PTH2R: variants seen among roughly 807,000 people sequenced by gnomAD.
PTH2R encodes parathyroid hormone 2 receptor, also known as PTH2 receptor.
PTH2R carries 59 observed loss-of-function variants against 60.3 expected under a neutral mutation model. The ratio of observed to expected loss-of-function variants is 0.98; its 90% CI spans 0.79 to 1.22. PTH2R has a LOEUF of 1.22. PTH2R is among the 50% of genes most tolerant of loss of function. The pLI, the probability that PTH2R is intolerant of heterozygous loss-of-function variation, is 0.00. For synonymous variants in PTH2R, 256 were observed against 243.8 expected, an observed-to-expected ratio of 1.05 and a Z score of -0.47; for missense variants, 749 against 682.6, an observed-to-expected ratio of 1.10 and a Z score of -1.08.
At chr2:208,365,676 G>A (rs756208833) in intron 1 of PTH2R, among the ~76,000 whole-genome samples, 6 of 149,964 alleles carry the variant, frequency 4.0e-5, no homozygotes, top group South Asian at 2.1e-4. Flanking sequence ...CACTAATGCT[G>A]CCCCTCAAAG....
chr2:208,420,407 A>G, intron 1 of PTH2R, among the ~76,000 whole-genome samples: 1 of 152,154 alleles, frequency 6.6e-6, no homozygotes, highest in East Asian at 1.9e-4. Flanking sequence ...TGAGCATTGT[A>G]TGAGGCTATT....
At chr2:208,428,894 G>A (rs1701913428) in intron 2 of PTH2R, among the ~76,000 whole-genome samples, 1 of 152,120 alleles carries the variant, frequency 6.6e-6, no homozygotes, top group African/African-American at 2.4e-5. Context: ...AGACCAGCGT[G>A]GCCAACATGG....
chr2:208,488,946 C>T (rs1703336505), intron 10 of PTH2R, 66 bp from the exon 11 acceptor site: 2 of 1,571,474 alleles, frequency 1.3e-6, no homozygotes, highest in African/African-American at 2.7e-5. Context: ...TTTTTTCCTC[C>T]AGCACGCTGT....
intron 1 of PTH2R, among the ~76,000 whole-genome samples, chr2:208,391,601 C>T (rs752375099): frequency 7.2e-5 from 11 of 152,176 alleles, no homozygotes; most frequent in Non-Finnish European, 1.6e-4. Flanking sequence ...TTTTAGCTCC[C>T]TGAGTTTTTT....
chr2:208,428,731 A>G (rs1209853402), intron 2 of PTH2R, among the ~76,000 whole-genome samples: 1 of 152,198 alleles, frequency 6.6e-6, no homozygotes, highest in Admixed American at 6.5e-5. Context: ...AATAATTGTG[A>G]TTGATTTCTC....
chr2:208,489,144 C>T lies in PTH2R; in HGVS notation c.1209C>T (p.Ser403=), dbSNP rs758766636. The change falls in exon 11 of 13, where the codon TCC becomes TCT. Residue 403 remains serine (S), a synonymous_variant. Coordinates refer to ENST00000272847, the MANE Select transcript of PTH2R (RefSeq NM_005048.4). ...IRMHCELFFN[S]FQGFFVSIIY... ...TGCACTGTGAGCTCTTCTTCAACTC[C>T]TTTCAGGTAAAGGGTGCTGCCTAGT... The T allele has an allele frequency of 6.2e-7, 1 of 1,614,014 alleles. No homozygotes were observed. The highest frequency in any genetic ancestry group is 2.2e-5 in the East Asian group (1 of 44,886).
In PTH2R at chr2:208,413,813, G is replaced by A. The variant is rs527368690; in HGVS notation, c.75+6695G>A. Among the ~76,000 whole-genome samples the A allele has an allele frequency of 2.6e-5, 4 of 152,246 alleles. No homozygotes were observed. The East Asian group carries it at 5.8e-4, about 22-fold the overall frequency. ...GTCAAAGACAGAATAAACCTGAGACGGGCTTCTGGCCAGTTTTGGTCAGGA... is the reference window on the plus strand; with the variant it reads ...GTCAAAGACAGAATAAACCTGAGACAGGCTTCTGGCCAGTTTTGGTCAGGA... On this transcript the variant is annotated intron_variant, in intron 1 of 12. Coordinates refer to ENST00000272847, the MANE Select transcript of PTH2R (RefSeq NM_005048.4).
intron 6 of PTH2R, 129 bp from the exon 7 acceptor site, chr2:208,444,605 A>T: frequency 1.4e-6 from 1 of 703,060 alleles, no homozygotes; most frequent in Non-Finnish European, 2.2e-6. Context: ...AACAGTTTTG[A>T]CTTTACTGTG....
At chr2:208,424,823 G>T (rs950426237) in intron 1 of PTH2R, among the ~76,000 whole-genome samples, 1 of 152,182 alleles carries the variant, frequency 6.6e-6, no homozygotes. Flanking sequence ...CACTGGCCCA[G>T]CATTATTCTA....
At chr2:208,373,041 ACAC>A (rs1476523636) in intron 1 of PTH2R, among the ~76,000 whole-genome samples, 6 of 152,264 alleles carry the variant, frequency 3.9e-5, no homozygotes, top group African/African-American at 1.4e-4. Context: ...AGCAAAGCTC[ACAC>A]CACTGCACTC....
intron 1 of PTH2R, among the ~76,000 whole-genome samples, chr2:208,367,948 G>A (rs1302651350): frequency 2.0e-5 from 3 of 152,082 alleles, no homozygotes; most frequent in African/African-American, 7.2e-5. Context: ...TACCTACTTA[G>A]GCCATAAAAT....
intron 8 of PTH2R, among the ~76,000 whole-genome samples, chr2:208,451,709 T>C (rs1275681654): frequency 6.6e-6 from 1 of 152,174 alleles, no homozygotes; most frequent in Admixed American, 6.5e-5. Context: ...TAAACACATA[T>C]TAGAAGTGGA....
chr2:208,390,151 G>T (rs1192486630), intron 1 of PTH2R, among the ~76,000 whole-genome samples: 1 of 152,194 alleles, frequency 6.6e-6, no homozygotes, highest in Non-Finnish European at 1.5e-5. Context: ...AATTACAAGT[G>T]TGATGTTACA....
intron 1 of PTH2R, among the ~76,000 whole-genome samples, chr2:208,378,360 G>A (rs13028930): frequency 0.39 from 59,855 of 151,720 alleles, 12,194 homozygotes; most frequent in East Asian, 0.53. Flanking sequence ...GAGGGATACC[G>A]TGGAAAGAGA....
chr2:208,396,923 T>G (rs1701220361), intron 1 of PTH2R, among the ~76,000 whole-genome samples: 1 of 152,102 alleles, frequency 6.6e-6, no homozygotes, highest in African/African-American at 2.4e-5. Flanking sequence ...CCATCAATGA[T>G]AGACTGGATT....
intron 1 of PTH2R, among the ~76,000 whole-genome samples, chr2:208,389,472 T>C (rs1701067142): frequency 6.6e-6 from 1 of 152,232 alleles, no homozygotes; most frequent in African/African-American, 2.4e-5. Flanking sequence ...CACCAAAAGA[T>C]AACAGAAGCA....
At chr2:208,487,928 A>G (rs1364400977) in intron 10 of PTH2R, among the ~76,000 whole-genome samples, 1 of 152,206 alleles carries the variant, frequency 6.6e-6, no homozygotes, top group Admixed American at 6.5e-5. Context: ...GCCTTATGCA[A>G]TGTAATCTCA....
intron 4 of PTH2R, among the ~76,000 whole-genome samples, chr2:208,439,971 A>G (rs2105867982): frequency 6.6e-6 from 1 of 152,368 alleles, no homozygotes; most frequent in Non-Finnish European, 1.5e-5. Context: ...TAAATTTCTA[A>G]TGAAGAACTG....
At chr2:208,453,148 T>C (rs1377151408) in intron 8 of PTH2R, among the ~76,000 whole-genome samples, 1 of 152,216 alleles carries the variant, frequency 6.6e-6, no homozygotes, top group Non-Finnish European at 1.5e-5. Context: ...CTCAGAGAGG[T>C]AAAACTTCTA....
Sources: allele counts gnomAD v4.1 joint callset (sites outside exome capture counted in the v4.1 genomes callset), GRCh38; gene constraint gnomAD v4.1.1; transcripts MANE v1.5; gene names NCBI Gene and HGNC (gene_info 2026-07-23, HGNC 2026-07-21).